The following NPHP4 variants were observed in gnomAD, a reference collection of about 807,000 sequenced individuals.
NPHP4 encodes the protein nephrocystin 4, also known as nephrocystin-4.
Under a neutral mutation model 155.8 loss-of-function variants are expected in NPHP4, and 151 were observed. The observed-to-expected ratio is 0.97, with a 90% CI of 0.85 to 1.11. The LOEUF (loss-of-function observed/expected upper bound fraction) is 1.11. Ranked by LOEUF, NPHP4 falls within the 50% of genes least tolerant of loss-of-function variation. The pLI is 0.00. For synonymous variants in NPHP4, 845 were observed against 816.8 expected (o/e 1.03, Z -0.59); for missense variants, 1,956 against 1,925.7 (o/e 1.02, Z -0.29).
rs1246664751 is a variant in NPHP4, at chr1:5,899,104, A to C, written c.2143+5513T>G. Among the ~76,000 whole-genome samples the C allele has an allele frequency of 2.6e-5, 4 of 152,228 alleles. No homozygotes were observed. In the East Asian group the frequency reaches 7.7e-4, roughly 29 times the overall value. On this transcript the variant is annotated intron_variant, in intron 16 of 29. Coordinates refer to ENST00000378156, the MANE Select transcript of NPHP4 (RefSeq NM_015102.5). ...TGATGGATGTGGAAGCTGGCGCAGCACGAGGGAAACCTGCTTGGCAGATCC... is the reference window on the plus strand; with the variant it reads ...TGATGGATGTGGAAGCTGGCGCAGCCCGAGGGAAACCTGCTTGGCAGATCC...
intron 11 of NPHP4, among the ~76,000 whole-genome samples, chr1:5,911,016 A>G (rs1304825999): frequency 4.6e-5 from 7 of 152,246 alleles, no homozygotes; most frequent in East Asian, 1.9e-4. Flanking sequence ...AGCCACAGTA[A>G]CGTGGCTCCA....
chr1:5,932,857 G>A (rs552966057), intron 10 of NPHP4, among the ~76,000 whole-genome samples: 50 of 152,196 alleles, frequency 3.3e-4, no homozygotes, highest in African/African-American at 1.1e-3. Flanking sequence ...TGCTCCAAAC[G>A]TGCACGCCAC....
intron 19 of NPHP4, among the ~76,000 whole-genome samples, chr1:5,878,802 G>GGTTATT (rs1642889559): frequency 6.6e-6 from 1 of 152,140 alleles, no homozygotes; most frequent in African/African-American, 2.4e-5. Context: ...ACCTCAGCCT[G>GGTTATT]GCTCCTGGAG....
intron 16 of NPHP4, among the ~76,000 whole-genome samples, chr1:5,897,992 G>A (rs1386008607): frequency 6.6e-6 from 1 of 152,208 alleles, no homozygotes; most frequent in Non-Finnish European, 1.5e-5. Context: ...CAGAAGGCCC[G>A]GGAAAGAGGA....
At chr1:5,921,841 G>A (rs1461155003) in intron 11 of NPHP4, among the ~76,000 whole-genome samples, 4 of 152,224 alleles carry the variant, frequency 2.6e-5, no homozygotes, top group Non-Finnish European at 5.9e-5. Context: ...AGCTAGGACT[G>A]AATTTTATAT....
At position 5,964,941 on chromosome 1, in the gene NPHP4, A is replaced by ATATATATTTT; in HGVS notation, c.517+2357_517+2358insAAAATATATA. 1.7e-3 allele frequency among the ~76,000 whole-genome samples: 103 copies of ATATATATTTT among 59,376 alleles called. 5 individuals carry two copies. Among genetic ancestry groups the ATATATATTTT allele is most frequent in the African/African-American group, 8.2e-3 (96 of 11,754 alleles). The allele number at this position is 59,376 out of a possible 152,430, so 39.0% of individuals were successfully genotyped here. ...ATTATATATATATATATATATATAT[A>ATATATATTTT]TTTTTTTTTTTTGAGGCAGGGTCTC... is the stretch of plus-strand genomic sequence containing the variant. On this transcript the variant is annotated intron_variant, in intron 5 of 29. Transcript: ENST00000378156.
chr1:5,916,548 C>A (rs1342215298), intron 11 of NPHP4, among the ~76,000 whole-genome samples: 1 of 152,196 alleles, frequency 6.6e-6, no homozygotes, highest in Non-Finnish European at 1.5e-5. Flanking sequence ...ATTTGCTGGT[C>A]CCCAAACAGT....
At position 5,877,244 on chromosome 1, in the gene NPHP4, G is replaced by A. The variant is rs527347796; in HGVS notation, c.2666C>T (p.Ala889Val). ...CTGCCGGGCATGGGTCAGTAGCATG[G>A]CAGCCAGCTCACTGTCCACGTCCGC... ...KLADVDSELA[A>V]MLLTHARQGK... Residue 889 changes from alanine to valine, a missense_variant, in exon 20 of 30, where the codon GCC becomes GTC. Transcript: ENST00000378156. The A allele has an allele frequency of 3.1e-6, 5 of 1,608,584 alleles. No homozygotes were observed. Among genetic ancestry groups the A allele is most frequent in the Non-Finnish European group, 4.3e-6 (5 of 1,176,380 alleles).
chr1:5,978,296 GTCTCT>G lies in NPHP4; in HGVS notation c.248_252del (p.Lys83ThrfsTer8). 1.9e-6 allele frequency: 3 copies of G among 1,608,426 alleles called. No individual in the cohort carries two copies. The highest frequency in any genetic ancestry group is 2.5e-6 in the Non-Finnish European group (3 of 1,177,774). ...TCATTAAAGACGATCCTGGACGGCG[GTCTCT>G]TCGTCGGCTTCACTGTGGTTTTCCA... On this transcript the variant is annotated frameshift_variant, in exon 3 of 30. Coordinates refer to ENST00000378156, the MANE Select transcript of NPHP4 (RefSeq NM_015102.5). LOFTEE classifies it high-confidence loss of function.
chr1:5,907,641 T>C (rs1233202943), intron 12 of NPHP4, among the ~76,000 whole-genome samples: 1 of 152,190 alleles, frequency 6.6e-6, no homozygotes, highest in Non-Finnish European at 1.5e-5. Context: ...AATGACCATC[T>C]TGATGGCCAG....
intron 16 of NPHP4, among the ~76,000 whole-genome samples, chr1:5,896,395 T>C (rs116249948): frequency 2.5e-3 from 375 of 152,330 alleles, no homozygotes; most frequent in African/African-American, 8.5e-3. Flanking sequence ...ACTAAACCAA[T>C]TCTGAACCCT....
chr1:5,965,748 C>G (rs548787078), intron 5 of NPHP4, among the ~76,000 whole-genome samples: 3 of 152,244 alleles, frequency 2.0e-5, no homozygotes, highest in African/African-American at 4.8e-5. Flanking sequence ...TCTAGAGACT[C>G]CATCGCTGCT....
In NPHP4 at chr1:5,964,917, T is replaced by TATA. The variant is rs1553194702; in HGVS notation, c.517+2381_517+2382insTAT. On this transcript the variant is annotated intron_variant, in intron 5 of 29. Coordinates refer to ENST00000378156, the MANE Select transcript of NPHP4 (RefSeq NM_015102.5). ...ATATAAAATATATAATACATATATA[T>TATA]TATATATATATATATATATATATAT... Among the ~76,000 whole-genome samples the TATA allele has an allele frequency of 2.4e-5, 2 of 82,638 alleles. 1 individual carries two copies. The highest frequency in any genetic ancestry group is 1.1e-4 in the African/African-American group (2 of 17,908). 54.2% of individuals were successfully genotyped at this position (82,638 alleles called of 152,430 possible).
chr1:5,866,522 A>C, intron 25 of NPHP4, 64 bp from the exon 26 acceptor site: 1 of 882,718 alleles, frequency 1.1e-6, no homozygotes, highest in South Asian at 1.5e-5. Context: ...CCTGGCCCCT[A>C]AATCTGTGAC....
At chr1:5,931,274 A>G (rs1197003798) in intron 10 of NPHP4, among the ~76,000 whole-genome samples, 1 of 152,146 alleles carries the variant, frequency 6.6e-6, no homozygotes, top group Non-Finnish European at 1.5e-5. Context: ...GCATACCTCA[A>G]AGATACTACA....
chr1:5,919,079 T>C (rs1645609498), intron 11 of NPHP4, among the ~76,000 whole-genome samples: 1 of 152,336 alleles, frequency 6.6e-6, no homozygotes, highest in South Asian at 2.1e-4. Context: ...GCCACGTCCA[T>C]TCATTAACGT....
At chr1:5,919,709 G>C (rs1174113373) in intron 11 of NPHP4, among the ~76,000 whole-genome samples, 1 of 152,102 alleles carries the variant, frequency 6.6e-6, no homozygotes, top group Non-Finnish European at 1.5e-5. Context: ...GATGCAGTCA[G>C]GGCCAGCTGT....
At chr1:5,951,982 A>G (rs187404317) in intron 7 of NPHP4, among the ~76,000 whole-genome samples, 57 of 152,356 alleles carry the variant, frequency 3.7e-4, no homozygotes, top group African/African-American at 1.3e-3. Flanking sequence ...CATCCCTCCC[A>G]GGGGCCACAG....
chr1:5,891,575 T>C (rs920628651), intron 16 of NPHP4, among the ~76,000 whole-genome samples: 28 of 152,272 alleles, frequency 1.8e-4, no homozygotes, highest in Admixed American at 8.5e-4. Flanking sequence ...GGAACTGGAC[T>C]GCGGCCCCTG....
Sources: gnomAD v4.1 joint callset for allele counts (sites outside exome capture counted in the v4.1 genomes callset) on GRCh38, gnomAD v4.1.1 for gene constraint, MANE v1.5 for transcripts, NCBI Gene and HGNC (gene_info 2026-07-23, HGNC 2026-07-21) for gene names.